ANK2: variants seen among roughly 807,000 people sequenced by gnomAD.
The protein encoded by ANK2 is ankyrin 2, also known as ankyrin-2.
ANK2 carries 83 observed loss-of-function variants against 360.5 expected under a neutral mutation model. The ratio of observed to expected loss-of-function variants is 0.23; its 90% CI spans 0.19 to 0.28. The LOEUF (loss-of-function observed/expected upper bound fraction) is 0.28, where lower values mean the gene tolerates loss of function less well. Among genes scored for constraint, ANK2 ranks in the 10% least tolerant of loss-of-function variants. The pLI is 1.00. For synonymous variants in ANK2, 1,740 were observed against 1,759.5 expected (o/e 0.99, Z 0.28); for missense variants, 4,201 against 4,795.7 (o/e 0.88, Z 3.66).
At chr4:112,839,777 ATG>A (rs1309281273) in intron 1 of ANK2, among the ~76,000 whole-genome samples, 1 of 152,246 alleles carries the variant, frequency 6.6e-6, no homozygotes, top group African/African-American at 2.4e-5. Context: ...ATAATGATCC[ATG>A]TCTGCTCTTT....
chr4:112,893,563 T>A (rs916534373), intron 1 of ANK2, among the ~76,000 whole-genome samples: 3 of 152,164 alleles, frequency 2.0e-5, no homozygotes, highest in African/African-American at 7.2e-5. Flanking sequence ...ATAAACAACT[T>A]CAGGACACAC....
At chr4:113,051,066 G>A (rs2066758542) in intron 1 of ANK2, among the ~76,000 whole-genome samples, 1 of 152,082 alleles carries the variant, frequency 6.6e-6, no homozygotes. Context: ...GGGCAAGCAG[G>A]AACATTGGTA....
intron 37 of ANK2, among the ~76,000 whole-genome samples, chr4:113,351,715 G>GT (rs769339509): frequency 3.7e-4 from 54 of 147,088 alleles, no homozygotes; most frequent in Admixed American, 6.7e-4. Flanking sequence ...TGGCTCAGTT[G>GT]TTAAAAAAAA....
At chr4:112,997,562 G>A (rs2049013296) in intron 2 of ANK2, among the ~76,000 whole-genome samples, 3 of 151,996 alleles carry the variant, frequency 2.0e-5, no homozygotes, top group Non-Finnish European at 4.4e-5. Context: ...CTCATTTCTA[G>A]TCAAACACCT....
chr4:113,241,579 A>G (rs1317185039), intron 8 of ANK2, among the ~76,000 whole-genome samples: 2 of 152,208 alleles, frequency 1.3e-5, no homozygotes, highest in Non-Finnish European at 2.9e-5. Flanking sequence ...GCTTCAAGCA[A>G]TCCTCCCACC....
At chr4:112,736,650 TAGAG>T in the ANK2 span, among the ~76,000 whole-genome samples, 5 of 152,190 alleles carry the variant, frequency 3.3e-5, no homozygotes, top group African/African-American at 9.6e-5. Flanking sequence ...GATTTTTTGT[TAGAG>T]AGGAATTTCC....
At chr4:113,286,885 A>G (rs1236513885) in intron 18 of ANK2, among the ~76,000 whole-genome samples, 2 of 152,202 alleles carry the variant, frequency 1.3e-5, no homozygotes, top group Non-Finnish European at 2.9e-5. Flanking sequence ...GTAAACATGT[A>G]AGGCTACCAG....
At position 113,318,511 on chromosome 4, in the gene ANK2, G is replaced by A; in HGVS notation, c.2797-6G>A. On this transcript the variant is annotated splice_polypyrimidine_tract_variant and splice_region_variant and intron_variant, in intron 25 of 45. Transcript: ENST00000357077. ...GTTTATTCAATCCAGTGTTCTTTGT[G>A]TTTAGGTGTCAACTCTAGCCAAGGA... The A allele has an allele frequency of 6.2e-7, 1 of 1,610,706 alleles. No homozygotes were observed. The highest frequency in any genetic ancestry group is 8.5e-7 in the Non-Finnish European group (1 of 1,177,416).
At position 113,354,687 on chromosome 4, in the gene ANK2, G is replaced by C. The variant is rs939580030; in HGVS notation, c.6069G>C (p.Glu2023Asp). 4.3e-6 allele frequency: 7 copies of C among 1,614,036 alleles called. No individual in the cohort carries two copies. The highest frequency in any genetic ancestry group is 5.9e-6 in the Non-Finnish European group (7 of 1,179,986). Residue 2023 changes from glutamate to aspartate, a missense_variant, in exon 38 of 46, where the codon GAG becomes GAC. Glu to Asp is a conservative substitution (Grantham distance 45, BLOSUM62 2). Coordinates refer to ENST00000357077, the MANE Select transcript of ANK2 (RefSeq NM_001148.6). ...CAGCAAAACAAAAGCAGCCACAAGA[G>C]AAAGGTAAAGTTCGGGTAGAAAAAG... ...HKSAKQKQPQEKGKVRVEKEK... is the reference protein window; with the variant it reads ...HKSAKQKQPQDKGKVRVEKEK...
intron 2 of ANK2, among the ~76,000 whole-genome samples, chr4:112,944,554 C>G (rs1314341725): frequency 6.6e-6 from 1 of 152,140 alleles, no homozygotes; most frequent in Non-Finnish European, 1.5e-5. Context: ...CTAATTTTGT[C>G]TTTTATGTCC....
chr4:112,771,874 C>T, the ANK2 span, among the ~76,000 whole-genome samples: 6 of 152,222 alleles, frequency 3.9e-5, no homozygotes, highest in East Asian at 3.9e-4. Context: ...GGTGAGCCAC[C>T]GCACCTGGCC....
chr4:113,197,557 A>G (rs1447401276), intron 3 of ANK2, among the ~76,000 whole-genome samples: 1 of 152,166 alleles, frequency 6.6e-6, no homozygotes, highest in African/African-American at 2.4e-5. Context: ...TCTAGATGGG[A>G]CACTAGTCTA....
At chr4:112,816,212 G>C (rs573267210), upstream of ANK2, among the ~76,000 whole-genome samples, 4 of 152,300 alleles carry the variant, frequency 2.6e-5, no homozygotes, top group South Asian at 8.3e-4. Context: ...GAAATTTCTT[G>C]ATGTGAAAAA....
At chr4:113,237,721 T>G in intron 7 of ANK2, 99 bp downstream of exon 7, 1 of 1,117,744 alleles carries the variant, frequency 8.9e-7, no homozygotes, top group Non-Finnish European at 1.4e-6. Flanking sequence ...TGATTAGAAG[T>G]TTGATTAATG....
intron 1 of ANK2, among the ~76,000 whole-genome samples, chr4:113,160,136 T>TTA (rs2097464939): frequency 1.3e-5 from 2 of 152,206 alleles, no homozygotes; most frequent in Non-Finnish European, 2.9e-5. Flanking sequence ...TGTATGATAG[T>TTA]AATGATACAG....
intron 2 of ANK2, among the ~76,000 whole-genome samples, chr4:112,949,040 C>T (rs1030080906): frequency 1.3e-5 from 2 of 152,164 alleles, no homozygotes; most frequent in Non-Finnish European, 2.9e-5. Context: ...CCCCTCACCC[C>T]TGAGCTTTTA....
intron 18 of ANK2, among the ~76,000 whole-genome samples, 183 bp downstream of exon 18, chr4:113,283,055 G>A (rs1440409850): frequency 6.6e-6 from 1 of 152,146 alleles, no homozygotes; most frequent in Non-Finnish European, 1.5e-5. Context: ...AGGAAGCAAG[G>A]GAGAGAGACT....
chr4:112,761,059 G>A, the ANK2 span, among the ~76,000 whole-genome samples: 1 of 151,558 alleles, frequency 6.6e-6, no homozygotes, highest in Non-Finnish European at 1.5e-5. Flanking sequence ...CGCCCGCCTC[G>A]GCCTCCCAAA....
At chr4:113,314,894 G>A (rs1421948083) in intron 24 of ANK2, among the ~76,000 whole-genome samples, 1 of 152,096 alleles carries the variant, frequency 6.6e-6, no homozygotes. Flanking sequence ...AGTAGAGGAG[G>A]CTAGAATACA....
Sources: allele counts gnomAD v4.1 joint callset (sites outside exome capture counted in the v4.1 genomes callset), GRCh38; gene constraint gnomAD v4.1.1; transcripts MANE v1.5; gene names NCBI Gene and HGNC (gene_info 2026-07-23, HGNC 2026-07-21).